The following EML1 variants were observed in gnomAD, a reference collection of about 807,000 sequenced individuals.
EML1 encodes EMAP like 1, also known as echinoderm microtubule-associated protein-like 1.
In EML1, 27 loss-of-function variants were observed where a neutral mutation model predicts 110.4. The observed-to-expected ratio is 0.24, with a 90% CI of 0.18 to 0.34. The LOEUF (loss-of-function observed/expected upper bound fraction) is 0.34, where lower values mean the gene tolerates loss of function less well. Ranked by LOEUF, EML1 falls within the 10% of genes least tolerant of loss-of-function variation. The pLI, the probability that EML1 is intolerant of heterozygous loss-of-function variation, is 1.00. For synonymous variants in EML1, 344 were observed against 385.8 expected, an observed-to-expected ratio of 0.89 and a Z score of 1.27; for missense variants, 741 against 1,030.9, an observed-to-expected ratio of 0.72 and a Z score of 3.85.
At chr14:99,850,752 G>A (rs2058782660) in intron 1 of EML1, 101 bp from the exon 2 acceptor site, 1 of 1,315,510 alleles carries the variant, frequency 7.6e-7, no homozygotes, top group African/African-American at 1.5e-5. Flanking sequence ...GTGTTACTAT[G>A]TTAAAACAAT....
intron 1 of EML1, among the ~76,000 whole-genome samples, chr14:99,810,837 C>T (rs2058062861): frequency 6.6e-6 from 1 of 151,984 alleles, no homozygotes; most frequent in Admixed American, 6.5e-5. Flanking sequence ...ATGTTCTCAG[C>T]ACAAAAAAAT....
rs1047286640 is a variant in EML1 at position 99,940,298 on chromosome 14, C to G, written c.*186C>G. ...CAGCGGATCAGCGGTTCCGTGTTCA[C>G]TTTTGTTGTACAATATATGACACAG... On this transcript the variant is annotated 3_prime_UTR_variant, in exon 22 of 22. Transcript: ENST00000262233. 1 of 728,280 alleles carries G rather than the reference C, an allele frequency of 1.4e-6. No homozygotes were observed. Among genetic ancestry groups the G allele is most frequent in the African/African-American group, 1.8e-5 (1 of 55,138 alleles). The allele number at this position is 728,280 out of a possible 1,614,324, so 45.1% of individuals were successfully genotyped here.
chr14:99,866,592 AAAAAG>A (rs1472284108), intron 3 of EML1, among the ~76,000 whole-genome samples: 36 of 151,438 alleles, frequency 2.4e-4, no homozygotes, highest in African/African-American at 8.0e-4. Flanking sequence ...AAAAAAAAAA[AAAAAG>A]AGTTCAGTAG....
chr14:99,829,002 C>A (rs1038329949), intron 1 of EML1, among the ~76,000 whole-genome samples: 1 of 152,118 alleles, frequency 6.6e-6, no homozygotes, highest in African/African-American at 2.4e-5. Flanking sequence ...AGTGGATCCA[C>A]GCAATTCAAA....
intron 1 of EML1, among the ~76,000 whole-genome samples, chr14:99,847,355 T>A (rs2058723212): frequency 6.6e-6 from 1 of 152,194 alleles, no homozygotes; most frequent in South Asian, 2.1e-4. Flanking sequence ...ACTGGTTTTT[T>A]GTTTGTTTGT....
At chr14:99,914,397 A>G (rs939599974) in intron 14 of EML1, 93 bp downstream of exon 14, 1 of 1,552,042 alleles carries the variant, frequency 6.4e-7, no homozygotes, top group Admixed American at 1.9e-5. Flanking sequence ...TTATACTACG[A>G]TAACCTTCCT....
intron 2 of EML1, among the ~76,000 whole-genome samples, chr14:99,863,962 G>T (rs1294767511): frequency 6.6e-6 from 1 of 152,260 alleles, no homozygotes; most frequent in Non-Finnish European, 1.5e-5. Context: ...CAAGGAATGA[G>T]AGTTCCTGTT....
intron 3 of EML1, among the ~76,000 whole-genome samples, chr14:99,868,587 A>G (rs907064616): frequency 1.8e-4 from 27 of 151,798 alleles, no homozygotes; most frequent in Non-Finnish European, 8.8e-5. Context: ...AGGTCACCCA[A>G]TTTGCTGGCA....
Position 99,907,713 on chromosome 14 carries a change from G to C in EML1, c.1084G>C (p.Glu362Gln). ...CTCTGTATGGGACTGGCAGAAAGAA[G>C]AAAAACTAGCAGATGTGAAGGTCAT... is the stretch of plus-strand genomic sequence containing the variant. Reference protein sequence around the residue: ...VLSVWDWQKEEKLADVKCSNE... With the variant: ...VLSVWDWQKEQKLADVKCSNE... Residue 362 changes from glutamate to glutamine, a missense_variant, in exon 10 of 22, where the codon GAA becomes CAA. Physicochemically the swap from Glu to Gln is conservative, Grantham distance 29. This residue lies in a region of EML1 where 388 missense variants were observed against 605.6 expected (regional missense o/e 0.64). Coordinates refer to ENST00000262233, the MANE Select transcript of EML1 (RefSeq NM_004434.3). 6.2e-7 allele frequency: 1 copy of C among 1,614,192 alleles called. No homozygotes were observed. The highest frequency in any genetic ancestry group is 8.5e-7 in the Non-Finnish European group (1 of 1,180,012).
At chr14:99,844,252 G>A (rs1158422886) in intron 1 of EML1, among the ~76,000 whole-genome samples, 2 of 152,076 alleles carry the variant, frequency 1.3e-5, no homozygotes, top group Non-Finnish European at 2.9e-5. Context: ...AGGCCGAGGC[G>A]GGCGGATCAC....
intron 5 of EML1, among the ~76,000 whole-genome samples, chr14:99,893,909 C>T (rs2059630325): frequency 6.6e-6 from 1 of 152,146 alleles, no homozygotes; most frequent in East Asian, 1.9e-4. Flanking sequence ...TAGGAGTTAC[C>T]CCGTGTTGAT....
chr14:99,897,059 T>C (rs2140005745), intron 6 of EML1, 86 bp from the exon 7 acceptor site: 1 of 1,221,768 alleles, frequency 8.2e-7, no homozygotes. Flanking sequence ...AGTTATATGG[T>C]ATTTTATTGC....
At chr14:99,876,861 T>A (rs1387740202) in intron 3 of EML1, among the ~76,000 whole-genome samples, 2 of 152,228 alleles carry the variant, frequency 1.3e-5, no homozygotes, top group African/African-American at 4.8e-5. Context: ...TTCCATTTAT[T>A]TCATCCTTTC....
At chr14:99,870,078 T>C (rs2059170265) in intron 3 of EML1, among the ~76,000 whole-genome samples, 1 of 152,064 alleles carries the variant, frequency 6.6e-6, no homozygotes, top group African/African-American at 2.4e-5. Flanking sequence ...AAGTTATAGA[T>C]GCAAAGAAAA....
intron 1 of EML1, among the ~76,000 whole-genome samples, chr14:99,775,967 AGTTTAT>A (rs1463766090): frequency 6.6e-6 from 1 of 152,214 alleles, no homozygotes; most frequent in Admixed American, 6.5e-5. Flanking sequence ...TTCATGATAC[AGTTTAT>A]GTTTATATTC....
intron 1 of EML1, among the ~76,000 whole-genome samples, chr14:99,816,655 C>G (rs1187866850): frequency 6.6e-6 from 1 of 152,220 alleles, no homozygotes; most frequent in Non-Finnish European, 1.5e-5. Context: ...TTGAAAGTTG[C>G]ATGTTTCATT....
intron 1 of EML1, among the ~76,000 whole-genome samples, chr14:99,758,974 G>C (rs1340885646): frequency 6.6e-6 from 1 of 152,212 alleles, no homozygotes; most frequent in Non-Finnish European, 1.5e-5. Context: ...GGGTCAGAGT[G>C]GGCCTGCACA....
At chr14:99,929,866 A>G (rs1180489632) in intron 17 of EML1, among the ~76,000 whole-genome samples, 1 of 152,200 alleles carries the variant, frequency 6.6e-6, no homozygotes, top group African/African-American at 2.4e-5. Context: ...CCATGATGAA[A>G]TGATGAGGGC....
At chr14:99,857,310 G>A (rs1467692444) in intron 2 of EML1, among the ~76,000 whole-genome samples, 2 of 151,886 alleles carry the variant, frequency 1.3e-5, no homozygotes, top group East Asian at 3.8e-4. Context: ...TAAAAATAAA[G>A]TCTATAATAC....
Sources: allele counts gnomAD v4.1 joint callset (sites outside exome capture counted in the v4.1 genomes callset), GRCh38; gene constraint gnomAD v4.1.1; regional missense constraint gnomAD v4.1.1; transcripts MANE v1.5; gene names NCBI Gene and HGNC (gene_info 2026-07-23, HGNC 2026-07-21).